The following VSIG10 variants were observed in gnomAD, a reference collection of about 807,000 sequenced individuals.
VSIG10 encodes the protein V-set and immunoglobulin domain-containing protein 10.
Under a neutral mutation model 58.7 loss-of-function variants are expected in VSIG10, and 48 were observed. The observed-to-expected ratio is 0.82, with a 90% CI of 0.65 to 1.04. VSIG10 has a LOEUF of 1.04. Ranked by LOEUF, VSIG10 falls within the 50% of genes least tolerant of loss-of-function variation. VSIG10 has a pLI of 0.00. For missense variants in VSIG10, 628 were observed against 670.0 expected (o/e 0.94, Z 0.69); for synonymous variants, 260 against 267.1 (o/e 0.97, Z 0.26).
intron 8 of VSIG10, among the ~76,000 whole-genome samples, chr12:118,066,984 G>A (rs1297435530): frequency 6.6e-6 from 1 of 151,824 alleles, no homozygotes; most frequent in East Asian, 1.9e-4. Flanking sequence ...CCGTCTTAAC[G>A]CCTTGCTTCA....
At position 118,096,354 on chromosome 12, in the gene VSIG10, G is replaced by A. The variant is rs536165351; in HGVS notation, c.80-540C>T. 6.2e-4 allele frequency among the ~76,000 whole-genome samples: 93 copies of A among 151,178 alleles called. No homozygotes were observed. The East Asian group carries it at 0.015, about 25-fold the overall frequency. ...AGCACTTTGGGAGGCCAAGGCGGGCGGATCACCTGAGGTCAGGAGTTCAAG... is the reference window on the plus strand; with the variant it reads ...AGCACTTTGGGAGGCCAAGGCGGGCAGATCACCTGAGGTCAGGAGTTCAAG... On this transcript the variant is annotated intron_variant, in intron 1 of 8. Transcript: ENST00000359236.
At chr12:118,088,220 C>A in intron 2 of VSIG10, among the ~76,000 whole-genome samples, 1 of 144,220 alleles carries the variant, frequency 6.9e-6, no homozygotes. Flanking sequence ...GCCTGGGTGA[C>A]AGGGCGAGAC....
chr12:118,084,950 C>T (rs1012015335), intron 2 of VSIG10, among the ~76,000 whole-genome samples: 1 of 152,102 alleles, frequency 6.6e-6, no homozygotes, highest in African/African-American at 2.4e-5. Context: ...ACCCGGGAGG[C>T]GGAGCTTGCA....
chr12:118,096,410 C>G (rs1592895232), intron 1 of VSIG10, among the ~76,000 whole-genome samples: 1 of 151,590 alleles, frequency 6.6e-6, no homozygotes, highest in Admixed American at 6.6e-5. Context: ...AAAACCCTGT[C>G]TCTACTAAAA....
chr12:118,103,179 G>A (rs2033662719), intron 1 of VSIG10: 1 of 161,038 alleles, frequency 6.2e-6, no homozygotes. Context: ...ACCTTGGGCA[G>A]AGGGAGGAGA....
intron 4 of VSIG10, among the ~76,000 whole-genome samples, chr12:118,077,645 T>A (rs557650965): frequency 6.6e-6 from 1 of 152,108 alleles, no homozygotes; most frequent in Non-Finnish European, 1.5e-5. Context: ...AGGGATCCCA[T>A]GTAACTCCTG....
At chr12:118,098,052 C>G (rs2033515055) in intron 1 of VSIG10, among the ~76,000 whole-genome samples, 1 of 152,180 alleles carries the variant, frequency 6.6e-6, no homozygotes, top group Non-Finnish European at 1.5e-5. Context: ...CCCTAACCAA[C>G]CACCCCAGCC....
intron 5 of VSIG10, among the ~76,000 whole-genome samples, chr12:118,072,685 T>C (rs2032546105): frequency 6.6e-6 from 1 of 151,936 alleles, no homozygotes; most frequent in African/African-American, 2.4e-5. Context: ...CAGTGCGACC[T>C]CATCTGTATA....
At chr12:118,095,923 CTTTTTTTT>C (rs1030344556) in intron 1 of VSIG10, 109 bp from the exon 2 acceptor site, 31 of 757,942 alleles carry the variant, frequency 4.1e-5, no homozygotes, top group Non-Finnish European at 5.2e-5. Context: ...GGTATATGTT[CTTTTTTTT>C]TTTTTTTTTT....
chr12:118,083,583 T>C (rs566155383), intron 2 of VSIG10, among the ~76,000 whole-genome samples: 1 of 151,304 alleles, frequency 6.6e-6, no homozygotes. Flanking sequence ...CATCTCAAAA[T>C]AAATAAATAA....
At chr12:118,079,729 C>T in intron 3 of VSIG10, 123 bp from the exon 4 acceptor site, 8 of 1,321,430 alleles carry the variant, frequency 6.1e-6, no homozygotes, top group East Asian at 2.3e-5. Flanking sequence ...GTGTTAGCAT[C>T]TAATAGCTCC....
At chr12:118,084,186 C>T (rs1359951532) in intron 2 of VSIG10, among the ~76,000 whole-genome samples, 2 of 152,186 alleles carry the variant, frequency 1.3e-5, no homozygotes, top group Admixed American at 1.3e-4. Flanking sequence ...ACAGCTGCTG[C>T]CTTCCTGTTC....
chr12:118,064,609 C>A lies in VSIG10; in HGVS notation c.*2030G>T, dbSNP rs1593482129. The A allele has an allele frequency of 6.6e-6, 1 of 152,070 alleles. No homozygotes were observed. Among genetic ancestry groups the A allele is most frequent in the East Asian group, 1.9e-4 (1 of 5,196 alleles). The allele number at this position is 152,070 out of a possible 1,614,324, so 9.4% of individuals were successfully genotyped here. A position where few individuals can be genotyped will look rare whatever the true frequency, so the allele number is the denominator to read the frequency against. The stretch of plus-strand genomic sequence containing the variant: ...AGCTGAGTATCTCATTCTAAAATGA[C>A]ACTGATTTACACTGTTGAGAATGGT... On this transcript the variant is annotated 3_prime_UTR_variant, in exon 9 of 9. Transcript: ENST00000359236.
At chr12:118,084,607 C>T (rs1296024835) in intron 2 of VSIG10, among the ~76,000 whole-genome samples, 1 of 152,086 alleles carries the variant, frequency 6.6e-6, no homozygotes, top group South Asian at 2.1e-4. Context: ...AGGCCAGGCA[C>T]GGTGGCTCAT....
rs1199372183 is a variant in VSIG10 at position 118,068,525 on chromosome 12, C to T, written c.1419G>A (p.Glu473=). 1.2e-6 allele frequency: 1 copy of T among 864,692 alleles called. No individual in the cohort carries two copies. The highest frequency in any genetic ancestry group is 3.4e-5 in the Admixed American group (1 of 29,078). The allele number at this position is 864,692 out of a possible 1,614,324, so 53.6% of individuals were successfully genotyped here. A position where few individuals can be genotyped will look rare whatever the true frequency, so the allele number is the denominator to read the frequency against. ...CCTGTTCCCCTACTGCAGCATCTTC[C>T]TCCTCCTCCTCCTCCTCCTCCTCTT... ...EEEEEEEEEE[E]EDAAVGEQEG... is the part of the protein sequence containing the mutation. The change falls in exon 8 of 9, where the codon GAG becomes GAA. Residue 473 remains glutamate, a synonymous_variant. Coordinates refer to ENST00000359236, the MANE Select transcript of VSIG10 (RefSeq NM_019086.6).
chr12:118,092,089 C>T (rs2033316327), intron 2 of VSIG10, among the ~76,000 whole-genome samples: 1 of 151,882 alleles, frequency 6.6e-6, no homozygotes, highest in African/African-American at 2.4e-5. Context: ...GGCAGGATCT[C>T]ACTCTGTAGC....
intron 1 of VSIG10, among the ~76,000 whole-genome samples, chr12:118,101,110 C>T (rs552678389): frequency 1.3e-5 from 2 of 152,338 alleles, no homozygotes; most frequent in East Asian, 1.9e-4. Flanking sequence ...CATTTCACTT[C>T]TCCTGGTTTG....
chr12:118,083,869 C>G (rs1405558243), intron 2 of VSIG10, among the ~76,000 whole-genome samples: 1 of 151,892 alleles, frequency 6.6e-6, no homozygotes, highest in Non-Finnish European at 1.5e-5. Flanking sequence ...TGCCTGCAAT[C>G]CTAGCATTTT....
rs2032153065 is a variant in VSIG10 at position 118,063,737 on chromosome 12, G to A, written c.*2902C>T. 1 of 152,144 alleles carries A rather than the reference G, an allele frequency of 6.6e-6. No homozygotes were observed. The highest frequency in any genetic ancestry group is 2.4e-5 in the African/African-American group (1 of 41,434). 9.4% of individuals were successfully genotyped at this position (152,144 alleles called of 1,614,324 possible). On this transcript the variant is annotated 3_prime_UTR_variant, in exon 9 of 9. Transcript: ENST00000359236. ...CTTATTTTTCTTTGCAGCAGTTCCT[G>A]GCCAGTCCCAACGTGAGAAATATCA... is the stretch of plus-strand genomic sequence containing the variant.
Sources: allele counts gnomAD v4.1 joint callset (sites outside exome capture counted in the v4.1 genomes callset), GRCh38; gene constraint gnomAD v4.1.1; transcripts MANE v1.5; gene names NCBI Gene and HGNC (gene_info 2026-07-23, HGNC 2026-07-21).